The following PRKAR1B variants were observed in gnomAD, a reference collection of about 807,000 sequenced individuals.
PRKAR1B encodes protein kinase cAMP-dependent type I regulatory subunit beta.
A neutral mutation model predicts 46.5 loss-of-function variants in PRKAR1B; 22 were observed. That is an observed-to-expected ratio of 0.47 (90% CI 0.34 to 0.68). PRKAR1B has a LOEUF of 0.68. PRKAR1B is among the 30% of genes least tolerant of loss of function. PRKAR1B has a pLI of 0.01. For synonymous variants in PRKAR1B, 259 were observed against 217.7 expected, an observed-to-expected ratio of 1.19 and a Z score of -1.67; for missense variants, 445 against 535.6, an observed-to-expected ratio of 0.83 and a Z score of 1.67.
intron 4 of PRKAR1B, among the ~76,000 whole-genome samples, chr7:659,642 C>T (rs1032905972): frequency 7.2e-5 from 11 of 152,286 alleles, no homozygotes; most frequent in African/African-American, 2.4e-4. Flanking sequence ...CCATGGACAC[C>T]GGCAGGACAG....
At chr7:612,341 AATGG>A (rs914811393) in intron 4 of PRKAR1B, among the ~76,000 whole-genome samples, 2 of 80,528 alleles carry the variant, frequency 2.5e-5, no homozygotes, top group African/African-American at 1.1e-4. Context: ...TGAGTAGATT[AATGG>A]ATGGATGGAT....
rs1283870456 is a variant in PRKAR1B, at chr7:667,037, G to C, written c.440+10192C>G. Among the ~76,000 whole-genome samples the C allele has an allele frequency of 6.6e-6, 1 of 152,038 alleles. No homozygotes were observed. Among genetic ancestry groups the C allele is most frequent in the Non-Finnish European group, 1.5e-5 (1 of 67,988 alleles). ...GGATGGTGGTGGTGATGGTGATGAT[G>C]ATAATGATGGTGATGATGACAGTGA... is the stretch of plus-strand genomic sequence containing the variant. On this transcript the variant is annotated intron_variant, in intron 4 of 10. Transcript: ENST00000537384. The surrounding 1 kb of genome is among the most constrained non-coding windows in gnomAD (Gnocchi z 4.3).
At chr7:624,259 C>T (rs1170230926) in intron 4 of PRKAR1B, among the ~76,000 whole-genome samples, 1 of 152,074 alleles carries the variant, frequency 6.6e-6, no homozygotes, top group African/African-American at 2.4e-5. Flanking sequence ...ATGGGGAAAC[C>T]CCATCTCTAC....
chr7:631,218 T>C (rs1463305794), intron 4 of PRKAR1B, among the ~76,000 whole-genome samples: 1 of 152,166 alleles, frequency 6.6e-6, no homozygotes, highest in African/African-American at 2.4e-5. Flanking sequence ...CCCAAAGTGT[T>C]GGGATGACAG....
chr7:684,371 C>T (rs1331892964), intron 2 of PRKAR1B, among the ~76,000 whole-genome samples: 1 of 152,218 alleles, frequency 6.6e-6, no homozygotes, highest in African/African-American at 2.4e-5. Context: ...ATGGAAAGTG[C>T]ACGTTTCCTC....
At chr7:621,009 C>T (rs939542177) in intron 4 of PRKAR1B, among the ~76,000 whole-genome samples, 1 of 152,210 alleles carries the variant, frequency 6.6e-6, no homozygotes, top group Non-Finnish European at 1.5e-5. Flanking sequence ...AAACCTTTTC[C>T]AACACCTATG....
intron 4 of PRKAR1B, among the ~76,000 whole-genome samples, chr7:627,109 G>A (rs369298173): frequency 2.0e-5 from 3 of 152,264 alleles, no homozygotes; most frequent in South Asian, 2.1e-4. Flanking sequence ...TCTTGACCTC[G>A]TGATCCGCCC....
upstream of PRKAR1B, chr7:727,496 C>A: frequency 3.2e-6 from 1 of 310,934 alleles, no homozygotes. Flanking sequence ...GCACCCCGCC[C>A]GGCCCCCTCC....
intron 7 of PRKAR1B, among the ~76,000 whole-genome samples, chr7:592,052 C>T (rs1048302821): frequency 2.6e-5 from 4 of 152,208 alleles, no homozygotes; most frequent in African/African-American, 4.8e-5. Context: ...CAGCTGTGAA[C>T]GGTGCCCACT....
intron 2 of PRKAR1B, among the ~76,000 whole-genome samples, chr7:685,375 T>C (rs1228922964): frequency 3.6e-5 from 1 of 27,994 alleles, no homozygotes; most frequent in Non-Finnish European, 5.8e-5. Context: ...CACATATATA[T>C]ATATACATAC....
At chr7:715,352 G>C (rs1583456904) in intron 1 of PRKAR1B, among the ~76,000 whole-genome samples, 2 of 152,096 alleles carry the variant, frequency 1.3e-5, no homozygotes. Flanking sequence ...GACACAAAGA[G>C]GGGTCTGGTG....
intron 8 of PRKAR1B, among the ~76,000 whole-genome samples, chr7:579,788 A>C (rs1435911691): frequency 2.6e-5 from 4 of 152,236 alleles, no homozygotes; most frequent in Non-Finnish European, 5.9e-5. Context: ...CACAAAGCCT[A>C]CTAAGTGGTT....
intron 2 of PRKAR1B, among the ~76,000 whole-genome samples, chr7:689,990 G>A (rs777959869): frequency 1.6e-4 from 23 of 146,034 alleles, no homozygotes; most frequent in African/African-American, 5.7e-4. Context: ...CGAGAACACA[G>A]TTTTTAAAGA....
rs545097244 is a variant in PRKAR1B at position 685,348 on chromosome 7, G to A, written c.178-4622C>T. Among the ~76,000 whole-genome samples the A allele has an allele frequency of 9.4e-3, 410 of 43,582 alleles. 54 individuals are homozygous for A. The highest frequency in any genetic ancestry group is 0.043 in the Middle Eastern group (2 of 46). The allele number at this position is 43,582 out of a possible 152,430, so 28.6% of individuals were successfully genotyped here. Reference sequence around the variant, plus strand: ...TATACGTATATATACGTATATATATGTATACATATATATATACACATATAT... The same window carrying A: ...TATACGTATATATACGTATATATATATATACATATATATATACACATATAT... On this transcript the variant is annotated intron_variant, in intron 2 of 10. Transcript: ENST00000537384.
At chr7:705,412 G>T (rs750634340) in intron 2 of PRKAR1B, among the ~76,000 whole-genome samples, 1 of 151,560 alleles carries the variant, frequency 6.6e-6, no homozygotes, top group African/African-American at 2.4e-5. Flanking sequence ...AAAGGCTGCC[G>T]ATACTGAGGA....
intron 4 of PRKAR1B, among the ~76,000 whole-genome samples, chr7:665,791 G>A (rs754104230): frequency 9.9e-5 from 15 of 152,220 alleles, no homozygotes; most frequent in Non-Finnish European, 1.9e-4. Flanking sequence ...TCAGCTGCCC[G>A]TGAATTCGGC....
chr7:651,161 G>A (rs758363546), intron 4 of PRKAR1B, among the ~76,000 whole-genome samples: 1 of 152,182 alleles, frequency 6.6e-6, no homozygotes, highest in African/African-American at 2.4e-5. Context: ...CCTCCTACAG[G>A]CACCCAGACA....
chr7:634,042 A>T (rs1269525920), intron 4 of PRKAR1B, among the ~76,000 whole-genome samples: 1 of 152,112 alleles, frequency 6.6e-6, no homozygotes, highest in Non-Finnish European at 1.5e-5. Flanking sequence ...TTGTTTTTTT[A>T]AAGGGAGTCT....
At chr7:668,145 A>C (rs1232187570) in intron 4 of PRKAR1B, among the ~76,000 whole-genome samples, 1 of 152,192 alleles carries the variant, frequency 6.6e-6, no homozygotes, top group African/African-American at 2.4e-5. Flanking sequence ...ATGCATCTGC[A>C]AAGGATTCTC....
Sources: gnomAD v4.1 joint callset for allele counts (sites outside exome capture counted in the v4.1 genomes callset) on GRCh38, gnomAD v4.1.1 for gene constraint, Gnocchi (gnomAD v3.1) non-coding constraint, MANE v1.5 for transcripts, NCBI Gene and HGNC (gene_info 2026-07-23, HGNC 2026-07-21) for gene names.